The following SLC8A2 variants were observed in gnomAD, a reference collection of about 807,000 sequenced individuals.
The protein encoded by SLC8A2 is solute carrier family 8 member A2, also known as sodium/calcium exchanger 2.
Under a neutral mutation model 70.2 loss-of-function variants are expected in SLC8A2, and 14 were observed. That is an observed-to-expected ratio of 0.20 (90% CI 0.13 to 0.31). The LOEUF is 0.31. Ranked by LOEUF, SLC8A2 falls within the 10% of genes least tolerant of loss-of-function variation. The pLI, the probability that SLC8A2 is intolerant of heterozygous loss-of-function variation, is 1.00. For synonymous variants in SLC8A2, 575 were observed against 594.3 expected, an observed-to-expected ratio of 0.97 and a Z score of 0.47; for missense variants, 779 against 1,320.1, an observed-to-expected ratio of 0.59 and a Z score of 6.35.
rs1180267499 is a variant in SLC8A2, at chr19:47,431,669, A to C, written c.2389+498T>G. Among the ~76,000 whole-genome samples, 527 of 138,136 alleles carry C rather than the reference A, an allele frequency of 3.8e-3. 4 individuals carry two copies. The highest frequency in any genetic ancestry group is 0.012 in the African/African-American group (503 of 40,332). The allele number at this position is 138,136 out of a possible 152,430, so 90.6% of individuals were successfully genotyped here. A position where few individuals can be genotyped will look rare whatever the true frequency, so the allele number is the denominator to read the frequency against. On this transcript the variant is annotated intron_variant, in intron 9 of 9. Coordinates refer to ENST00000236877, the MANE Select transcript of SLC8A2 (RefSeq NM_015063.3). Reference sequence around the variant, plus strand: ...TCTGTCCCCACACCAAAAAAAAAAAAAAAAAAAAAAACAAAACCCAAAAAA... The same window carrying C: ...TCTGTCCCCACACCAAAAAAAAAAACAAAAAAAAAAACAAAACCCAAAAAA...
intron 2 of SLC8A2, 101 bp from the exon 3 acceptor site, chr19:47,457,695 TCC>T: frequency 1.4e-6 from 1 of 693,386 alleles, no homozygotes; most frequent in Non-Finnish European, 2.2e-6. Flanking sequence ...CTCATCTCTC[TCC>T]CCAACCCCCA....
Position 47,447,582 on chromosome 19 carries a change from C to T in SLC8A2, c.1763+227G>A. On this transcript the variant is annotated intron_variant, in intron 4 of 9. Coordinates refer to ENST00000236877, the MANE Select transcript of SLC8A2 (RefSeq NM_015063.3). This position sits in a 1 kb window ranked among gnomAD's most constrained non-coding sequence, Gnocchi z 5.1. ...AGAACGATTCACTCAGGCCCCTCTC[C>T]TCCTGAGGGCCCAGCTGTTCAGTGA... 2 of 548,224 alleles carry T rather than the reference C, an allele frequency of 3.6e-6. No individual in the cohort carries two copies. The highest frequency in any genetic ancestry group is 6.3e-6 in the Non-Finnish European group (2 of 315,486). 34.0% of individuals were successfully genotyped at this position (548,224 alleles called of 1,614,324 possible).
rs1166186072 is a variant in SLC8A2 at position 47,460,978 on chromosome 19, C to CGGAAGTG, written c.676-3391_676-3385dup. Reference sequence around the variant, plus strand: ...CCTGTAATCCCAGCACTTTGGGAGGCGGAAGTGGGTGGATCACGAGGGCCA... The same window carrying CGGAAGTG: ...CCTGTAATCCCAGCACTTTGGGAGGCGGAAGTGGGAAGTGGGTGGATCACGAGGGCCA... On this transcript the variant is annotated intron_variant, in intron 2 of 9. Coordinates refer to ENST00000236877, the MANE Select transcript of SLC8A2 (RefSeq NM_015063.3). 2.7e-4 allele frequency among the ~76,000 whole-genome samples: 41 copies of CGGAAGTG among 152,168 alleles called. No individual in the cohort carries two copies. The East Asian group carries it at 7.2e-3, about 27-fold the overall frequency.
chr19:47,450,245 G>A (rs1209778907), intron 3 of SLC8A2, among the ~76,000 whole-genome samples: 2 of 152,128 alleles, frequency 1.3e-5, no homozygotes, highest in Non-Finnish European at 1.5e-5. Flanking sequence ...TTCTGGGGCC[G>A]GGCGCGGTGG....
In SLC8A2 at chr19:47,430,027, A is replaced by G; in HGVS notation, c.*62T>C. On this transcript the variant is annotated 3_prime_UTR_variant, in exon 10 of 10. Coordinates refer to ENST00000236877, the MANE Select transcript of SLC8A2 (RefSeq NM_015063.3). The surrounding 1 kb of genome is among the most constrained non-coding windows in gnomAD (Gnocchi z 5.9). ...GGGGAAAAGGAGACCAGGGTCCAAGAGCAGGTGCAGCCGAGTCCCTAGCCC... is the reference window on the plus strand; with the variant it reads ...GGGGAAAAGGAGACCAGGGTCCAAGGGCAGGTGCAGCCGAGTCCCTAGCCC... The G allele has an allele frequency of 1.3e-6, 2 of 1,497,958 alleles. No homozygotes were observed. Among genetic ancestry groups the G allele is most frequent in the Non-Finnish European group, 1.8e-6 (2 of 1,118,044 alleles). The allele number at this position is 1,497,958 out of a possible 1,614,324, so 92.8% of individuals were successfully genotyped here.
At chr19:47,446,359 G>A (rs1247785873) in intron 4 of SLC8A2, among the ~76,000 whole-genome samples, 2 of 152,186 alleles carry the variant, frequency 1.3e-5, no homozygotes, top group Non-Finnish European at 2.9e-5. Flanking sequence ...GGTGGCCAGG[G>A]ATCTGGGCGT....
chr19:47,466,022 C>A lies in SLC8A2; in HGVS notation c.382G>T (p.Val128Leu). Reference sequence around the variant, plus strand: ...AGGGCCATGAGCGTGAGGTTGGACACCGTCTCATTCCAGATGCGAACGGTG... The same window carrying A: ...AGGGCCATGAGCGTGAGGTTGGACAACGTCTCATTCCAGATGCGAACGGTG... ...VGTVRIWNET[V>L]SNLTLMALGS... is the part of the protein sequence containing the mutation. Residue 128 changes from valine (V) to leucine (L), a missense_variant, in exon 2 of 10, where the codon GTG becomes TTG. This residue lies in a region of SLC8A2 where 155 missense variants were observed against 318.6 expected (regional missense o/e 0.49). Transcript: ENST00000236877. This position sits in a 1 kb window ranked among gnomAD's most constrained non-coding sequence, Gnocchi z 6.9. The A allele has an allele frequency of 6.2e-7, 1 of 1,614,184 alleles. No individual in the cohort carries two copies. Among genetic ancestry groups the A allele is most frequent in the Non-Finnish European group, 8.5e-7 (1 of 1,180,024 alleles).
chr19:47,452,899 G>A lies in SLC8A2; in HGVS notation c.1340+4031C>T, dbSNP rs144892816. ...AATACAAAAATTAACCAGGTGTGGC[G>A]GTGCACACCTGTAATCCCAGCTACT... On this transcript the variant is annotated intron_variant, in intron 3 of 9. Coordinates refer to ENST00000236877, the MANE Select transcript of SLC8A2 (RefSeq NM_015063.3). Among the ~76,000 whole-genome samples the A allele has an allele frequency of 5.9e-3, 891 of 152,118 alleles. 13 individuals are homozygous for A. Among genetic ancestry groups the A allele is most frequent in the African/African-American group, 0.02 (835 of 41,508 alleles).
chr19:47,432,489 TCC>T lies in SLC8A2; in HGVS notation c.2111-46_2111-45del. The stretch of plus-strand genomic sequence containing the variant: ...GCTGGGGCATACACTCAGACTTCCT[TCC>T]TTGCCTACAGAGGCCCCATTTTGTC... On this transcript the variant is annotated intron_variant, in intron 8 of 9. Coordinates refer to ENST00000236877, the MANE Select transcript of SLC8A2 (RefSeq NM_015063.3). This position sits in a 1 kb window ranked among gnomAD's most constrained non-coding sequence, Gnocchi z 6.2. 6.6e-7 allele frequency: 1 copy of T among 1,519,516 alleles called. No individual in the cohort carries two copies. The highest frequency in any genetic ancestry group is 8.8e-7 in the Non-Finnish European group (1 of 1,135,630). 94.1% of individuals were successfully genotyped at this position (1,519,516 alleles called of 1,614,324 possible). A position where few individuals can be genotyped will look rare whatever the true frequency, so the allele number is the denominator to read the frequency against.
intron 3 of SLC8A2, among the ~76,000 whole-genome samples, chr19:47,456,589 C>T (rs1350514225): frequency 1.3e-5 from 2 of 152,176 alleles, no homozygotes; most frequent in East Asian, 1.9e-4. Context: ...TCGCTTGAAC[C>T]TGGAAGGCAG....
chr19:47,442,592 GC>G (rs973608180), intron 4 of SLC8A2, among the ~76,000 whole-genome samples: 30 of 152,138 alleles, frequency 2.0e-4, no homozygotes, highest in South Asian at 8.3e-4. Context: ...TCTCAATGGG[GC>G]CCACTTCTTC....
At chr19:47,454,621 G>A (rs1475470016) in intron 3 of SLC8A2, among the ~76,000 whole-genome samples, 3 of 152,096 alleles carry the variant, frequency 2.0e-5, no homozygotes, top group Non-Finnish European at 4.4e-5. Context: ...GGGTGGGCAG[G>A]GTAGGAAAGG....
chr19:47,439,667 CTT>C (rs756459988), intron 6 of SLC8A2, among the ~76,000 whole-genome samples: 6 of 137,586 alleles, frequency 4.4e-5, no homozygotes, highest in African/African-American at 1.6e-4. Flanking sequence ...CTCTCTCTCT[CTT>C]TCTTACTTTT....
intron 4 of SLC8A2, among the ~76,000 whole-genome samples, chr19:47,442,360 C>T (rs1375511428): frequency 6.6e-6 from 1 of 152,190 alleles, no homozygotes; most frequent in African/African-American, 2.4e-5. Context: ...CTGTGCAAAA[C>T]ATTTGCAAGG....
At chr19:47,463,219 G>A (rs1224548412) in intron 2 of SLC8A2, among the ~76,000 whole-genome samples, 4 of 151,496 alleles carry the variant, frequency 2.6e-5, no homozygotes, top group African/African-American at 7.2e-5. Flanking sequence ...TGCAAGCTCC[G>A]CCTCCCGGGT....
In SLC8A2 at chr19:47,456,119, G is replaced by C. The variant is rs115578779; in HGVS notation, c.1340+811C>G. Reference sequence around the variant, plus strand: ...ATGCTCAATAAGCATTTTTACTTTAGTAATGGTGGGAGAAGGCTTGTTCTA... The same window carrying C: ...ATGCTCAATAAGCATTTTTACTTTACTAATGGTGGGAGAAGGCTTGTTCTA... On this transcript the variant is annotated intron_variant, in intron 3 of 9. Coordinates refer to ENST00000236877, the MANE Select transcript of SLC8A2 (RefSeq NM_015063.3). 6.2e-3 allele frequency among the ~76,000 whole-genome samples: 947 copies of C among 152,330 alleles called. 17 individuals carry two copies. Among genetic ancestry groups the C allele is most frequent in the African/African-American group, 0.021 (893 of 41,576 alleles).
In SLC8A2 at chr19:47,466,491, C is replaced by T. The variant is rs830131; in HGVS notation, c.-16-72G>A. 452,472 of 595,144 alleles carry T rather than the reference C, an allele frequency of 0.76. 176,575 individuals carry two copies. Among genetic ancestry groups the T allele is most frequent in the Non-Finnish European group, 0.83 (281,526 of 340,842 alleles). 36.9% of individuals were successfully genotyped at this position (595,144 alleles called of 1,614,324 possible). A position where few individuals can be genotyped will look rare whatever the true frequency, so the allele number is the denominator to read the frequency against. On this transcript the variant is annotated intron_variant, in intron 1 of 9. Coordinates refer to ENST00000236877, the MANE Select transcript of SLC8A2 (RefSeq NM_015063.3). This position sits in a 1 kb window ranked among gnomAD's most constrained non-coding sequence, Gnocchi z 6.9. ...TCTGTCATACAAAGGTCAAAGCTCACTGGGGAAGGAGGGTTGGGGGAGAAG... is the reference window on the plus strand; with the variant it reads ...TCTGTCATACAAAGGTCAAAGCTCATTGGGGAAGGAGGGTTGGGGGAGAAG...
chr19:47,466,683 C>T lies in SLC8A2; in HGVS notation c.-16-264G>A, dbSNP rs141646668. Among the ~76,000 whole-genome samples the T allele has an allele frequency of 5.8e-4, 89 of 152,166 alleles. No individual in the cohort carries two copies. The highest frequency in any genetic ancestry group is 1.9e-3 in the African/African-American group (80 of 41,502). ...TCTATGCACTTTGGGCAACTACAGC[C>T]GAACACCACGTATCATGCAATTCAG... On this transcript the variant is annotated intron_variant, in intron 1 of 9. Transcript: ENST00000236877. The surrounding 1 kb of genome is among the most constrained non-coding windows in gnomAD (Gnocchi z 6.9).
chr19:47,447,742 T>G lies in SLC8A2; in HGVS notation c.1763+67A>C. On this transcript the variant is annotated intron_variant, in intron 4 of 9. Transcript: ENST00000236877. The surrounding 1 kb of genome is among the most constrained non-coding windows in gnomAD (Gnocchi z 5.1). Reference sequence around the variant, plus strand: ...GCATGGCTCACCCAGGCCCCGCCCCTGAGCCACATCAGGCCTCGCCCATTC... The same window carrying G: ...GCATGGCTCACCCAGGCCCCGCCCCGGAGCCACATCAGGCCTCGCCCATTC... 5.5e-6 allele frequency: 8 copies of G among 1,452,872 alleles called. No homozygotes were observed. Among genetic ancestry groups the G allele is most frequent in the Non-Finnish European group, 7.3e-6 (8 of 1,102,520 alleles). 90.0% of individuals were successfully genotyped at this position (1,452,872 alleles called of 1,614,324 possible).
Sources: gnomAD v4.1 joint callset for allele counts (sites outside exome capture counted in the v4.1 genomes callset) on GRCh38, gnomAD v4.1.1 for gene constraint, gnomAD v4.1.1 regional missense constraint, Gnocchi (gnomAD v3.1) non-coding constraint, MANE v1.5 for transcripts, NCBI Gene and HGNC (gene_info 2026-07-23, HGNC 2026-07-21) for gene names.